The following ARMC2 variants were observed in gnomAD, a reference collection of about 807,000 sequenced individuals.
ARMC2 encodes the protein armadillo repeat containing 2.
ARMC2 carries 67 observed loss-of-function variants against 90.3 expected under a neutral mutation model. The observed-to-expected ratio is 0.74, with a 90% CI of 0.61 to 0.91. ARMC2 has a LOEUF of 0.91. Among genes scored for constraint, ARMC2 ranks in the 40% least tolerant of loss-of-function variants. The probability of loss-of-function intolerance (pLI) is 0.00; values close to 1 mark genes in which losing one functional copy is unlikely to be tolerated. For missense variants in ARMC2, 920 were observed against 1,030.9 expected (o/e 0.89, Z 1.47); for synonymous variants, 393 against 393.0 (o/e 1.00, Z 0.00).
chr6:108,875,069 C>T (rs1054001253), intron 4 of ARMC2, among the ~76,000 whole-genome samples: 1 of 152,120 alleles, frequency 6.6e-6, no homozygotes, highest in African/African-American at 2.4e-5. Context: ...TCCCCACCCC[C>T]GCACACTGTA....
chr6:108,960,867 T>G (rs1477462809), intron 13 of ARMC2, among the ~76,000 whole-genome samples: 1 of 152,100 alleles, frequency 6.6e-6, no homozygotes, highest in Non-Finnish European at 1.5e-5. Flanking sequence ...GTGGTTGGCC[T>G]TGGGGGTCTG....
At chr6:109,027,611 T>C in the ARMC2 span, among the ~76,000 whole-genome samples, 1 of 152,078 alleles carries the variant, frequency 6.6e-6, no homozygotes, top group Non-Finnish European at 1.5e-5. Flanking sequence ...CATGGGACAT[T>C]TGATAATGTC....
At chr6:108,957,417 C>G (rs961337378) in intron 13 of ARMC2, among the ~76,000 whole-genome samples, 1 of 152,214 alleles carries the variant, frequency 6.6e-6, no homozygotes, top group South Asian at 2.1e-4. Context: ...CCCCCTCTGA[C>G]AGGCCTGGCA....
At chr6:108,855,280 G>A (rs1406936245) in intron 2 of ARMC2, among the ~76,000 whole-genome samples, 101 of 128,758 alleles carry the variant, frequency 7.8e-4, no homozygotes, top group African/African-American at 2.9e-3. Context: ...ATGGTGTCTT[G>A]CTCTGTTGCC....
In ARMC2 at chr6:108,973,917, A is replaced by G. The variant is rs41287542; in HGVS notation, c.*403A>G. 0.035 allele frequency: 5,522 copies of G among 158,120 alleles called. 146 individuals carry two copies. The highest frequency in any genetic ancestry group is 0.075 in the South Asian group (396 of 5,284). The allele number at this position is 158,120 out of a possible 1,614,324, so 9.8% of individuals were successfully genotyped here. ...AAAGAAGGGTAGGCAACATGAGTGG[A>G]ACACGTTACAACATAGGATCTGTAC... On this transcript the variant is annotated 3_prime_UTR_variant, in exon 18 of 18. Coordinates refer to ENST00000392644, the MANE Select transcript of ARMC2 (RefSeq NM_032131.6).
intron 5 of ARMC2, among the ~76,000 whole-genome samples, chr6:108,890,527 C>A (rs1395492321): frequency 2.0e-5 from 3 of 151,884 alleles, no homozygotes; most frequent in African/African-American, 7.3e-5. Context: ...GAATTTTAGA[C>A]CAGCCTGGTC....
the ARMC2 span, chr6:109,000,462 C>G: frequency 2.1e-6 from 3 of 1,444,922 alleles, no homozygotes; most frequent in Admixed American, 7.1e-5. Context: ...TCTGAAATGA[C>G]TCCCAAGATA....
intron 12 of ARMC2, among the ~76,000 whole-genome samples, chr6:108,945,496 G>A (rs1478348268): frequency 6.6e-6 from 1 of 152,162 alleles, no homozygotes; most frequent in African/African-American, 2.4e-5. Flanking sequence ...GTTTAGATAC[G>A]GTTAATTTCT....
chr6:108,874,327 C>T (rs531625104), intron 4 of ARMC2, among the ~76,000 whole-genome samples: 1 of 152,318 alleles, frequency 6.6e-6, no homozygotes, highest in African/African-American at 2.4e-5. Context: ...ACTTGTTCAC[C>T]ATGGCTTCAC....
At chr6:108,967,869 A>G (rs886431564) in intron 17 of ARMC2, among the ~76,000 whole-genome samples, 1 of 151,940 alleles carries the variant, frequency 6.6e-6, no homozygotes, top group Non-Finnish European at 1.5e-5. Flanking sequence ...GTGCCTTTGC[A>G]CATGTTCTGT....
chr6:108,937,808 C>T (rs4946940), intron 12 of ARMC2, among the ~76,000 whole-genome samples: 49,195 of 151,944 alleles, frequency 0.32, 8,867 homozygotes, highest in Non-Finnish European at 0.4. Context: ...CATTCTGCCC[C>T]CTCAGCCTCC....
At chr6:108,945,546 G>A (rs944825585) in intron 12 of ARMC2, among the ~76,000 whole-genome samples, 1 of 152,224 alleles carries the variant, frequency 6.6e-6, no homozygotes, top group Non-Finnish European at 1.5e-5. Flanking sequence ...CAGCAGGACT[G>A]TCGTCAGAGC....
the ARMC2 span, among the ~76,000 whole-genome samples, chr6:109,049,848 G>C: frequency 6.6e-6 from 1 of 151,860 alleles, no homozygotes; most frequent in African/African-American, 2.4e-5. Flanking sequence ...TCTCAAGAAA[G>C]TTGCATCATG....
At chr6:109,049,480 T>C in the ARMC2 span, among the ~76,000 whole-genome samples, 1 of 152,118 alleles carries the variant, frequency 6.6e-6, no homozygotes, top group Non-Finnish European at 1.5e-5. Context: ...CAATGTAGGA[T>C]AACTATAGTT....
chr6:108,879,916 A>G lies in ARMC2; in HGVS notation c.671+3566A>G, dbSNP rs939888977. ...GAAATAACTCTGCTCTTTTACTCCC[A>G]TCTCCTTCTAGCCCTCACTGTAGAT... On this transcript the variant is annotated intron_variant, in intron 5 of 17. Coordinates refer to ENST00000392644, the MANE Select transcript of ARMC2 (RefSeq NM_032131.6). 5 of 470,264 alleles carry G rather than the reference A, an allele frequency of 1.1e-5. No individual in the cohort carries two copies. The East Asian group carries it at 3.5e-4, about 33-fold the overall frequency. The allele number at this position is 470,264 out of a possible 1,614,324, so 29.1% of individuals were successfully genotyped here.
intron 17 of ARMC2, among the ~76,000 whole-genome samples, chr6:108,966,285 A>G (rs1778365130): frequency 6.6e-6 from 1 of 151,794 alleles, no homozygotes. Flanking sequence ...TGCAGAGCAG[A>G]CTCACCCGTG....
chr6:109,001,199 T>C, the ARMC2 span: 1 of 1,049,698 alleles, frequency 9.5e-7, no homozygotes, highest in Non-Finnish European at 1.4e-6. Flanking sequence ...ATAATCTAAG[T>C]ATTTATCCCT....
the ARMC2 span, among the ~76,000 whole-genome samples, chr6:109,025,158 G>A: frequency 1.3e-5 from 2 of 151,974 alleles, no homozygotes; most frequent in East Asian, 3.9e-4. Context: ...GCATGAACAA[G>A]GAAAAACACC....
chr6:108,954,654 C>A (rs1777433980), intron 13 of ARMC2, among the ~76,000 whole-genome samples: 1 of 152,144 alleles, frequency 6.6e-6, no homozygotes. Flanking sequence ...ACTAACCATA[C>A]TTGTGGAAAA....
Sources: allele counts gnomAD v4.1 joint callset (sites outside exome capture counted in the v4.1 genomes callset), GRCh38; gene constraint gnomAD v4.1.1; transcripts MANE v1.5; gene names NCBI Gene and HGNC (gene_info 2026-07-23, HGNC 2026-07-21).